LRRFIP1: variants seen among roughly 807,000 people sequenced by gnomAD.
LRRFIP1 encodes the protein LRR binding FLII interacting protein 1.
In LRRFIP1, 62 loss-of-function variants were observed where a neutral mutation model predicts 104.4. The observed-to-expected ratio is 0.59, with a 90% confidence interval of 0.48 to 0.73. The LOEUF (loss-of-function observed/expected upper bound fraction) is 0.73. Ranked by LOEUF, LRRFIP1 falls within the 30% of genes least tolerant of loss-of-function variation. The pLI is 0.00. For synonymous variants in LRRFIP1, 300 were observed against 299.0 expected (o/e 1.00, Z -0.03); for missense variants, 796 against 824.5 (o/e 0.97, Z 0.42).
At position 237,760,127 on chromosome 2, in the gene LRRFIP1, A is replaced by G. The variant is rs1412238039; in HGVS notation, c.1381A>G (p.Asn461Asp). Residue 461 changes from asparagine to aspartate, a missense_variant, in exon 19 of 24, where the codon AAT (asparagine) becomes GAT (aspartate). Asn to Asp is a conservative substitution (Grantham distance 23, BLOSUM62 1). Transcript: ENST00000308482. The part of the protein sequence containing the change: ...TNGETSDTLN[N>D]VGYQGPTKMT... Reference sequence around the variant, plus strand: ...TGGAGAGACTTCCGACACCCTCAATAATGTTGGATACCAAGGTCCTACCAA... The same window carrying G: ...TGGAGAGACTTCCGACACCCTCAATGATGTTGGATACCAAGGTCCTACCAA... 2 of 1,613,844 alleles carry G rather than the reference A, an allele frequency of 1.2e-6. No homozygotes were observed. The highest frequency in any genetic ancestry group is 3.3e-5 in the Admixed American group (2 of 60,014).
intron 1 of LRRFIP1, among the ~76,000 whole-genome samples, chr2:237,636,246 T>C (rs762225572): frequency 7.2e-5 from 11 of 151,762 alleles, no homozygotes; most frequent in Non-Finnish European, 1.2e-4. Context: ...TTCTGGGAAA[T>C]TTTCTTGAAT....
Position 237,719,533 on chromosome 2 carries a change from A to G in LRRFIP1, c.260A>G (p.Glu87Gly). The part of the protein sequence containing the change: ...GDIEQWMEDS[E>G]RYSRRSRRNT... ...TTTCTTCATTGTTAGGAAGACAGTG[A>G]GCGCTACTCTCGTAGATCCAGAAGA... The change falls in exon 5 of 24, where the codon GAG becomes GGG. Residue 87 changes from glutamate to glycine, a missense_variant. By Grantham distance (98) the Glu-to-Gly change is moderately conservative (BLOSUM62 -2). Transcript: ENST00000308482. The G allele has an allele frequency of 6.2e-7, 1 of 1,613,438 alleles. No individual in the cohort carries two copies. The highest frequency in any genetic ancestry group is 8.5e-7 in the Non-Finnish European group (1 of 1,179,484).
At chr2:237,752,698 C>A (rs1469441335) in intron 14 of LRRFIP1, among the ~76,000 whole-genome samples, 1 of 152,248 alleles carries the variant, frequency 6.6e-6, no homozygotes, top group Non-Finnish European at 1.5e-5. Context: ...ATTTTACAGG[C>A]CTCTTTCTCT....
intron 8 of LRRFIP1, among the ~76,000 whole-genome samples, chr2:237,728,436 GT>G (rs2094857618): frequency 1.3e-5 from 2 of 152,016 alleles, no homozygotes; most frequent in African/African-American, 4.8e-5. Flanking sequence ...CAGTTAAGGG[GT>G]GGGAGGCAGG....
chr2:237,719,430 A>T, intron 4 of LRRFIP1, 93 bp from the exon 5 acceptor site: 1 of 790,230 alleles, frequency 1.3e-6, no homozygotes, highest in South Asian at 1.4e-5. Context: ...GAACTGCTGT[A>T]TTATGGTGCA....
At chr2:237,759,056 A>C (rs572964451) in intron 18 of LRRFIP1, among the ~76,000 whole-genome samples, 1 of 152,328 alleles carries the variant, frequency 6.6e-6, no homozygotes, top group South Asian at 2.1e-4. Context: ...TCTTGAATGC[A>C]AGAATTTTTT....
intron 1 of LRRFIP1, among the ~76,000 whole-genome samples, chr2:237,680,029 A>G (rs2091631652): frequency 6.6e-6 from 1 of 152,242 alleles, no homozygotes; most frequent in Non-Finnish European, 1.5e-5. Flanking sequence ...GTCAGTTGAA[A>G]AATGCAGAGA....
intron 15 of LRRFIP1, 103 bp downstream of exon 15, chr2:237,753,582 G>A (rs567012925): frequency 3.7e-5 from 36 of 985,436 alleles, no homozygotes; most frequent in Middle Eastern, 3.0e-4. Context: ...GATTACTTGA[G>A]CCCAAGAGTT....
chr2:237,719,676 C>G, intron 5 of LRRFIP1, 109 bp downstream of exon 5: 1 of 672,652 alleles, frequency 1.5e-6, no homozygotes. Flanking sequence ...ATGATATCAT[C>G]TCTTAAAGAA....
rs1400942079 is a variant in LRRFIP1 at position 237,703,579 on chromosome 2, C to T, written c.97-4965C>T. Among the ~76,000 whole-genome samples the T allele has an allele frequency of 6.6e-6, 1 of 152,008 alleles. No homozygotes were observed. Among genetic ancestry groups the T allele is most frequent in the Non-Finnish European group, 1.5e-5 (1 of 68,008 alleles). On this transcript the variant is annotated intron_variant, in intron 1 of 23. Coordinates refer to ENST00000308482, the MANE Select transcript of LRRFIP1 (RefSeq NM_001137550.2). The surrounding 1 kb of genome is among the most constrained non-coding windows in gnomAD (Gnocchi z 4.3). ...CGCAGCCACCCCGGCTCTGCTTGTCCTGTTTCAGGGTCCGGCTTAGGGCTC... is the reference window on the plus strand; with the variant it reads ...CGCAGCCACCCCGGCTCTGCTTGTCTTGTTTCAGGGTCCGGCTTAGGGCTC...
intron 11 of LRRFIP1, among the ~76,000 whole-genome samples, chr2:237,743,385 A>G (rs531976890): frequency 5.9e-5 from 9 of 152,230 alleles, no homozygotes; most frequent in Admixed American, 1.3e-4. Context: ...AAAATGCTTC[A>G]GTGTCCAGAG....
intron 1 of LRRFIP1, among the ~76,000 whole-genome samples, chr2:237,640,651 G>T (rs981272618): frequency 6.6e-6 from 1 of 152,112 alleles, no homozygotes; most frequent in Non-Finnish European, 1.5e-5. Flanking sequence ...TCCCGTAAAA[G>T]CACATTGCCG....
chr2:237,659,293 C>T (rs1399098478), intron 1 of LRRFIP1, among the ~76,000 whole-genome samples: 1 of 151,618 alleles, frequency 6.6e-6, no homozygotes, highest in Non-Finnish European at 1.5e-5. Context: ...ATGATGTCTC[C>T]CTATGTTGCC....
At chr2:237,674,699 A>G (rs2090872584) in intron 1 of LRRFIP1, among the ~76,000 whole-genome samples, 1 of 152,244 alleles carries the variant, frequency 6.6e-6, no homozygotes. Flanking sequence ...AAAGGGTAGC[A>G]TTACCTTCCA....
intron 11 of LRRFIP1, among the ~76,000 whole-genome samples, chr2:237,741,454 A>G (rs1311421062): frequency 6.6e-6 from 1 of 152,186 alleles, no homozygotes; most frequent in Non-Finnish European, 1.5e-5. Context: ...GATCACTTAA[A>G]ACTACCAGGA....
chr2:237,657,638 G>A (rs77070298), intron 1 of LRRFIP1, among the ~76,000 whole-genome samples: 2,835 of 152,228 alleles, frequency 0.019, 46 homozygotes, highest in South Asian at 0.066. Flanking sequence ...AATTGTTCAC[G>A]CTTCAAACTG....
At chr2:237,658,271 C>T (rs1348910149) in intron 1 of LRRFIP1, among the ~76,000 whole-genome samples, 1 of 152,190 alleles carries the variant, frequency 6.6e-6, no homozygotes, top group Non-Finnish European at 1.5e-5. Flanking sequence ...CTTTAAAACA[C>T]TACTGAGAAA....
intron 1 of LRRFIP1, among the ~76,000 whole-genome samples, chr2:237,646,738 C>T (rs566021518): frequency 7.9e-5 from 12 of 152,032 alleles, no homozygotes; most frequent in Admixed American, 7.2e-4. Context: ...GCCGTGTGTG[C>T]ACACAGCGAG....
intron 23 of LRRFIP1, among the ~76,000 whole-genome samples, chr2:237,778,400 T>G (rs887559537): frequency 6.6e-6 from 1 of 152,190 alleles, no homozygotes; most frequent in African/African-American, 2.4e-5. Flanking sequence ...CTGCTGCCTG[T>G]GGGTCCAGAT....
Sources: allele counts gnomAD v4.1 joint callset (sites outside exome capture counted in the v4.1 genomes callset), GRCh38; gene constraint gnomAD v4.1.1; non-coding constraint Gnocchi (gnomAD v3.1); transcripts MANE v1.5; gene names NCBI Gene and HGNC (gene_info 2026-07-23, HGNC 2026-07-21).